Variants in TACC2 observed in about 807,000 individuals in gnomAD.
TACC2 encodes the protein transforming acidic coiled-coil-containing protein 2.
A neutral mutation model predicts 227.3 loss-of-function variants in TACC2; 137 were observed. That is an observed-to-expected ratio of 0.60 (90% CI 0.52 to 0.69). The LOEUF is 0.69. TACC2 is among the 30% of genes least tolerant of loss of function. TACC2 has a pLI of 0.00. For missense variants in TACC2, 3,470 were observed against 3,694.4 expected (o/e 0.94, Z 1.57); for synonymous variants, 1,523 against 1,487.5 (o/e 1.02, Z -0.55).
In TACC2 at chr10:122,229,352, C is replaced by T. The variant is rs912402928; in HGVS notation, c.7903C>T (p.Pro2635Ser). 2 of 1,613,926 alleles carry T rather than the reference C, an allele frequency of 1.2e-6. No individual in the cohort carries two copies. The highest frequency in any genetic ancestry group is 1.7e-6 in the Non-Finnish European group (2 of 1,180,024). The change falls in exon 15 of 23, where the codon CCC (proline) becomes TCC (serine). Residue 2635 changes from proline (P) to serine (S), a missense_variant. By Grantham distance (74) the Pro-to-Ser change is moderately conservative (BLOSUM62 -1). This residue lies in a region of TACC2 where 345 missense variants were observed against 354.4 expected (regional missense o/e 0.97). Transcript: ENST00000369005. ...CCTCTCTGCCGGCTTTCAGACAGCT[C>T]CCGAGGGCTCCTTTGCCTCTGCTGA... Reference protein sequence around the residue: ...TPSEAIEITAPEGSFASADAL... With the variant: ...TPSEAIEITASEGSFASADAL...
intron 13 of TACC2, among the ~76,000 whole-genome samples, chr10:122,227,240 ATGTTTGGAGCAG>A (rs2095647191): frequency 6.6e-6 from 1 of 152,120 alleles, no homozygotes; most frequent in Non-Finnish European, 1.5e-5. Flanking sequence ...ATGAGGGCTG[ATGTTTGGAGCAG>A]TGCATTGTTT....
chr10:122,003,042 A>C (rs956866504), intron 1 of TACC2, among the ~76,000 whole-genome samples: 2 of 152,102 alleles, frequency 1.3e-5, no homozygotes, highest in Non-Finnish European at 2.9e-5. Context: ...GTCTCTACTA[A>C]AACTACAAAA....
At chr10:122,226,567 T>A in intron 13 of TACC2, 86 bp downstream of exon 13, 1 of 948,338 alleles carries the variant, frequency 1.1e-6, no homozygotes, top group Non-Finnish European at 1.6e-6. Flanking sequence ...TTTGACTTCA[T>A]TTCAGTGCAT....
chr10:122,174,152 T>C (rs1185041563), intron 7 of TACC2, among the ~76,000 whole-genome samples: 1 of 152,208 alleles, frequency 6.6e-6, no homozygotes, highest in Non-Finnish European at 1.5e-5. Context: ...TGGGTGCAAC[T>C]ATCAGTCCAT....
chr10:122,236,251 C>T (rs1225083825), intron 16 of TACC2, among the ~76,000 whole-genome samples: 1 of 152,034 alleles, frequency 6.6e-6, no homozygotes, highest in Non-Finnish European at 1.5e-5. Context: ...CTTGATAAGC[C>T]CTCATTATTC....
chr10:122,059,058 A>ATT (rs2076502992), intron 3 of TACC2, among the ~76,000 whole-genome samples: 1 of 52,754 alleles, frequency 1.9e-5, no homozygotes. Context: ...ACGCCTGGCT[A>ATT]ATTTGTTGTT....
intron 2 of TACC2, among the ~76,000 whole-genome samples, chr10:122,037,458 A>T (rs568868742): frequency 6.6e-6 from 1 of 152,344 alleles, no homozygotes; most frequent in East Asian, 1.9e-4. Flanking sequence ...CTGACGGTGA[A>T]CTTGTGCCCA....
intron 5 of TACC2, among the ~76,000 whole-genome samples, chr10:122,107,876 A>ATTTTTTTTTTTTTTTTTTT (rs1464725854): frequency 3.5e-5 from 3 of 85,584 alleles, no homozygotes; most frequent in Non-Finnish European, 6.9e-5. Context: ...ATATATATAT[A>ATTTTTTTTTTTTTTTTTTT]TATATTTTTT....
At position 122,249,630 on chromosome 10, in the gene TACC2, G is replaced by A. The variant is rs758346924; in HGVS notation, c.8747G>A (p.Arg2916Gln). The change falls in exon 22 of 23, where the codon CGA becomes CAA. Residue 2916 changes from arginine to glutamine, a missense_variant. Physicochemically the swap from Arg to Gln is conservative, Grantham distance 43 (BLOSUM62 1). Coordinates refer to ENST00000369005, the MANE Select transcript of TACC2 (RefSeq NM_206862.4). Reference protein sequence around the residue: ...HQASLRKEQLRVDALERTLEQ... With the variant: ...HQASLRKEQLQVDALERTLEQ... ...GCCAGCCTGCGGAAGGAGCAGCTGCGAGTGGACGCCCTGGAAAGGACGCTG... is the reference window on the plus strand; with the variant it reads ...GCCAGCCTGCGGAAGGAGCAGCTGCAAGTGGACGCCCTGGAAAGGACGCTG... 3 of 1,613,976 alleles carry A rather than the reference G, an allele frequency of 1.9e-6. No individual in the cohort carries two copies. Among genetic ancestry groups the A allele is most frequent in the Non-Finnish European group, 2.5e-6 (3 of 1,179,964 alleles).
Position 122,086,296 on chromosome 10 carries a change from G to C in TACC2, c.3796G>C (p.Glu1266Gln), listed in dbSNP as rs141191344. 1.2e-6 allele frequency: 2 copies of C among 1,613,942 alleles called. No homozygotes were observed. The highest frequency in any genetic ancestry group is 2.7e-5 in the African/African-American group (2 of 75,062). ...CTCTGCAGACCCCAGAGCTCCTGGC[G>C]AAAGCCCCTGTCCTGTAGGGGAGCC... ...VSSADPRAPGESPCPVGEPPL... is the reference protein window; with the variant it reads ...VSSADPRAPGQSPCPVGEPPL... The change falls in exon 4 of 23, where the codon GAA (glutamate) becomes CAA (glutamine). Residue 1266 changes from glutamate to glutamine, a missense_variant. Physicochemically the swap from Glu to Gln is conservative, Grantham distance 29 (BLOSUM62 2). Coordinates refer to ENST00000369005, the MANE Select transcript of TACC2 (RefSeq NM_206862.4).
chr10:122,040,751 A>G (rs758632346), intron 2 of TACC2, among the ~76,000 whole-genome samples: 1 of 152,206 alleles, frequency 6.6e-6, no homozygotes, highest in Non-Finnish European at 1.5e-5. Flanking sequence ...ACAAGTCCCA[A>G]AAAACATAAT....
At chr10:121,994,541 C>G (rs996133452) in intron 1 of TACC2, 1 of 152,292 alleles carries the variant, frequency 6.6e-6, no homozygotes, top group Non-Finnish European at 1.5e-5. Flanking sequence ...ACGCCACTGC[C>G]TCCCAGGCCG....
At position 122,210,834 on chromosome 10, in the gene TACC2, A is replaced by G; in HGVS notation, c.6409A>G (p.Lys2137Glu). 6.2e-7 allele frequency: 1 copy of G among 1,611,950 alleles called. No homozygotes were observed. Among genetic ancestry groups the G allele is most frequent in the Non-Finnish European group, 8.5e-7 (1 of 1,179,544 alleles). ...TKKPRPPSLK[K>E]KQTTKKPTET... is the part of the protein sequence containing the mutation. ...AAAACCGAGGCCGCCTTCCTTAAAA[A>G]AGAAACAGACCACCAAGAAACCCAC... The change falls in exon 9 of 23, where the codon AAG becomes GAG. Residue 2137 changes from lysine (K) to glutamate (E), a missense_variant. Transcript: ENST00000369005. The surrounding 1 kb of genome is among the most constrained non-coding windows in gnomAD (Gnocchi z 4.6).
At chr10:122,249,024 G>A (rs760198178) in intron 20 of TACC2, 26 bp from the exon 21 acceptor site, 18 of 1,597,194 alleles carry the variant, frequency 1.1e-5, no homozygotes, top group South Asian at 2.2e-5. Context: ...TGGGCTTGAC[G>A]CCTGTCCTCT....
intron 8 of TACC2, among the ~76,000 whole-genome samples, chr10:122,201,599 A>G (rs2094854777): frequency 6.6e-6 from 1 of 152,210 alleles, no homozygotes; most frequent in African/African-American, 2.4e-5. Flanking sequence ...CTGGACGCAC[A>G]TTCACTTCCC....
intron 7 of TACC2, among the ~76,000 whole-genome samples, chr10:122,176,599 G>A (rs7070068): frequency 0.98 from 149,627 of 152,184 alleles, 73,579 homozygotes; most frequent in East Asian, 1. Context: ...TTTCTCTGTA[G>A]AATGTGTGGC....
At chr10:122,126,760 T>G (rs1236662586) in intron 5 of TACC2, 1 of 152,142 alleles carries the variant, frequency 6.6e-6, no homozygotes, top group Admixed American at 6.5e-5. Context: ...TTTGCTTGAT[T>G]CAGCTATTCT....
At position 122,211,046 on chromosome 10, in the gene TACC2, A is replaced by G. The variant is rs758697172; in HGVS notation, c.6621A>G (p.Ser2207=). The change falls in exon 9 of 23, where the codon TCA becomes TCG. Residue 2207 remains serine, a synonymous_variant. Transcript: ENST00000369005. ...CCAAAGCTGCCTGCCCTCTGGACTCAGAGAGTGCAGAAGGGGTTGTCCCCC... is the reference window on the plus strand; with the variant it reads ...CCAAAGCTGCCTGCCCTCTGGACTCGGAGAGTGCAGAAGGGGTTGTCCCCC... ...VGPKAACPLD[S]ESAEGVVPPA... 1 of 1,612,628 alleles carries G rather than the reference A, an allele frequency of 6.2e-7. No individual in the cohort carries two copies. Among genetic ancestry groups the G allele is most frequent in the Admixed American group, 1.7e-5 (1 of 59,774 alleles).
At chr10:122,143,478 G>T in intron 6 of TACC2, 94 bp from the exon 7 acceptor site, 1 of 1,421,094 alleles carries the variant, frequency 7.0e-7, no homozygotes, top group South Asian at 1.3e-5. Context: ...TTCCATGTGT[G>T]GGCGGGTGGG....
Sources: gnomAD v4.1 joint callset for allele counts (sites outside exome capture counted in the v4.1 genomes callset) on GRCh38, gnomAD v4.1.1 for gene constraint, gnomAD v4.1.1 regional missense constraint, Gnocchi (gnomAD v3.1) non-coding constraint, MANE v1.5 for transcripts, NCBI Gene and HGNC (gene_info 2026-07-23, HGNC 2026-07-21) for gene names.